The following CACNB2 variants were observed in gnomAD, a reference collection of about 807,000 sequenced individuals.
The protein encoded by CACNB2 is calcium voltage-gated channel auxiliary subunit beta 2, also known as voltage-dependent L-type calcium channel subunit beta-2.
In CACNB2, 42 loss-of-function variants were observed where a neutral mutation model predicts 73.3. The observed-to-expected ratio is 0.57, with a 90% CI of 0.45 to 0.74. The LOEUF is 0.74. Among genes scored for constraint, CACNB2 ranks in the 30% least tolerant of loss-of-function variants. The probability of loss-of-function intolerance (pLI) is 0.00; values close to 1 mark genes in which losing one functional copy is unlikely to be tolerated. For synonymous variants in CACNB2, 348 were observed against 310.3 expected, an observed-to-expected ratio of 1.12 and a Z score of -1.28; for missense variants, 940 against 853.0, an observed-to-expected ratio of 1.10 and a Z score of -1.27.
chr10:18,152,732 A>C (rs1312784951), intron 2 of CACNB2, among the ~76,000 whole-genome samples: 1 of 108,720 alleles, frequency 9.2e-6, no homozygotes, highest in Non-Finnish European at 1.7e-5. Context: ...AAAAAAAAAA[A>C]CAAAAAACAA....
chr10:18,519,652 T>A (rs780760653), intron 9 of CACNB2: 9 of 451,508 alleles, frequency 2.0e-5, no homozygotes, highest in Non-Finnish European at 3.5e-5. Flanking sequence ...TGTAAAAATG[T>A]TAATTCCTAT....
At position 18,220,587 on chromosome 10, in the gene CACNB2, A is replaced by G. The variant is rs74907446; in HGVS notation, c.213+69612A>G. Among the ~76,000 whole-genome samples, 886 of 152,012 alleles carry G rather than the reference A, an allele frequency of 5.8e-3. 12 individuals are homozygous for G. The highest frequency in any genetic ancestry group is 0.02 in the African/African-American group (847 of 41,454). On this transcript the variant is annotated intron_variant, in intron 2 of 13. Coordinates refer to ENST00000324631, the MANE Select transcript of CACNB2 (RefSeq NM_201596.3). ...TTATCTGTGTTTATTTCTTTAGACT[A>G]GAGCAGAGGCCCCCAAACCCCAGGC... is the stretch of plus-strand genomic sequence containing the variant.
chr10:18,286,498 A>G (rs1348599179), intron 2 of CACNB2, among the ~76,000 whole-genome samples: 2 of 141,114 alleles, frequency 1.4e-5, no homozygotes, highest in Non-Finnish European at 3.0e-5. Context: ...GACCTGGGCA[A>G]AAGAGCGAGA....
At chr10:18,537,842 T>G (rs2053755414) in intron 12 of CACNB2, among the ~76,000 whole-genome samples, 1 of 152,194 alleles carries the variant, frequency 6.6e-6, no homozygotes, top group Non-Finnish European at 1.5e-5. Context: ...CCTATTCTAT[T>G]CTATTCTGTT....
intron 2 of CACNB2, among the ~76,000 whole-genome samples, chr10:18,358,236 G>A (rs1261033366): frequency 6.6e-6 from 1 of 152,054 alleles, no homozygotes; most frequent in East Asian, 1.9e-4. Context: ...ACAGACACGC[G>A]CTACCACGCC....
intron 3 of CACNB2, among the ~76,000 whole-genome samples, chr10:18,410,061 C>A (rs369529150): frequency 6.6e-6 from 1 of 152,224 alleles, no homozygotes; most frequent in South Asian, 2.1e-4. Flanking sequence ...AGCCATACTT[C>A]ATCCTTCAGA....
intron 2 of CACNB2, among the ~76,000 whole-genome samples, chr10:18,218,527 G>A (rs1008755448): frequency 2.6e-5 from 4 of 152,172 alleles, no homozygotes; most frequent in African/African-American, 9.6e-5. Context: ...AATTAGCTGT[G>A]TGTGTGCATG....
intron 2 of CACNB2, among the ~76,000 whole-genome samples, chr10:18,227,165 A>C (rs2036025102): frequency 6.6e-6 from 1 of 152,192 alleles, no homozygotes; most frequent in South Asian, 2.1e-4. Context: ...AGCACTTCTC[A>C]GAAGGGAGGT....
chr10:18,538,719 G>A (rs1436665471), intron 13 of CACNB2, among the ~76,000 whole-genome samples: 1 of 152,196 alleles, frequency 6.6e-6, no homozygotes, highest in Non-Finnish European at 1.5e-5. Flanking sequence ...ACCTGTCCAA[G>A]AGGCTGCTGG....
intron 2 of CACNB2, among the ~76,000 whole-genome samples, chr10:18,266,754 G>T (rs1398002981): frequency 6.6e-6 from 1 of 152,134 alleles, no homozygotes; most frequent in Non-Finnish European, 1.5e-5. Context: ...GCCGTGCGTG[G>T]TGGTGCATGC....
chr10:18,467,026 T>C (rs975547611), intron 3 of CACNB2, among the ~76,000 whole-genome samples: 3 of 151,968 alleles, frequency 2.0e-5, no homozygotes, highest in Non-Finnish European at 4.4e-5. Context: ...TGGTGGCAGG[T>C]GCCTGTAATC....
intron 3 of CACNB2, among the ~76,000 whole-genome samples, chr10:18,472,910 AT>A (rs1213456259): frequency 2.6e-5 from 4 of 152,140 alleles, no homozygotes; most frequent in African/African-American, 9.7e-5. Context: ...TGCCATTTGT[AT>A]TTTCAACAAG....
At chr10:18,189,181 A>G (rs936185298) in intron 2 of CACNB2, among the ~76,000 whole-genome samples, 2 of 152,076 alleles carry the variant, frequency 1.3e-5, no homozygotes, top group African/African-American at 4.8e-5. Flanking sequence ...CTTCTTGAAA[A>G]TCTTGGGCTT....
chr10:18,383,053 T>C (rs975929140), intron 2 of CACNB2, among the ~76,000 whole-genome samples: 2 of 152,074 alleles, frequency 1.3e-5, no homozygotes, highest in Admixed American at 1.3e-4. Context: ...TGGTAGGAAA[T>C]ATGCATGTTA....
chr10:18,246,004 G>A (rs1365546725), intron 2 of CACNB2, among the ~76,000 whole-genome samples: 1 of 152,168 alleles, frequency 6.6e-6, no homozygotes, highest in Non-Finnish European at 1.5e-5. Flanking sequence ...AAAGGATTCT[G>A]TTGGCTCTTC....
chr10:18,308,018 A>C, intron 2 of CACNB2, among the ~76,000 whole-genome samples: 1 of 43,946 alleles, frequency 2.3e-5, no homozygotes, highest in Admixed American at 3.2e-4. Flanking sequence ...TTTGAGGTAG[A>C]GTCTTGCTCC....
chr10:18,538,715 C>G (rs1311489532), intron 13 of CACNB2, among the ~76,000 whole-genome samples: 1 of 152,134 alleles, frequency 6.6e-6, no homozygotes, highest in African/African-American at 2.4e-5. Context: ...GGCAACCTGT[C>G]CAAGAGGCTG....
At chr10:18,160,904 A>G (rs1336925984) in intron 2 of CACNB2, among the ~76,000 whole-genome samples, 2 of 152,184 alleles carry the variant, frequency 1.3e-5, no homozygotes, top group Admixed American at 6.5e-5. Flanking sequence ...AATATTTGCT[A>G]TGGCTTAGTT....
intron 3 of CACNB2, among the ~76,000 whole-genome samples, chr10:18,494,399 G>T (rs959313484): frequency 1.4e-4 from 22 of 152,134 alleles, no homozygotes; most frequent in African/African-American, 4.8e-4. Context: ...GGAGGCCGAG[G>T]TGGGTGGATC....
Sources: gnomAD v4.1 joint callset for allele counts (sites outside exome capture counted in the v4.1 genomes callset) on GRCh38, gnomAD v4.1.1 for gene constraint, MANE v1.5 for transcripts, NCBI Gene and HGNC (gene_info 2026-07-23, HGNC 2026-07-21) for gene names.